Variants in TRAPPC9 observed in about 807,000 individuals in gnomAD.
TRAPPC9 encodes IKK2 binding protein.
A neutral mutation model predicts 124.0 loss-of-function variants in TRAPPC9; 83 were observed. The ratio of observed to expected loss-of-function variants is 0.67; its 90% CI spans 0.56 to 0.80. The LOEUF (loss-of-function observed/expected upper bound fraction) is 0.80, where lower values mean the gene tolerates loss of function less well. Ranked by LOEUF, TRAPPC9 falls within the 30% of genes least tolerant of loss-of-function variation. The pLI is 0.00. For missense variants in TRAPPC9, 1,302 were observed against 1,508.3 expected (o/e 0.86, Z 2.27); for synonymous variants, 638 against 617.5 (o/e 1.03, Z -0.49).
chr8:139,772,331 T>C (rs1349387229), intron 21 of TRAPPC9, among the ~76,000 whole-genome samples: 1 of 152,174 alleles, frequency 6.6e-6, no homozygotes, highest in Non-Finnish European at 1.5e-5. Context: ...TCATTTCACA[T>C]CACCTCATGG....
In TRAPPC9 at chr8:140,397,608, A is replaced by G; in HGVS notation, c.1134+12T>C. On this transcript the variant is annotated intron_variant, in intron 7 of 22. Coordinates refer to ENST00000438773, the MANE Select transcript of TRAPPC9 (RefSeq NM_001160372.4). ...GATGAACTCTTCCACTTACAGGTAG[A>G]CATACACTCACCTGTCGAAGGTTAA... The G allele has an allele frequency of 6.2e-7, 1 of 1,613,600 alleles. No individual in the cohort carries two copies. The highest frequency in any genetic ancestry group is 8.5e-7 in the Non-Finnish European group (1 of 1,179,636).
chr8:139,926,602 T>TA lies in TRAPPC9; in HGVS notation c.2811-16303dup, dbSNP rs1407533502. Among the ~76,000 whole-genome samples the TA allele has an allele frequency of 1.9e-3, 189 of 101,852 alleles. 1 individual carries two copies. Among genetic ancestry groups the TA allele is most frequent in the East Asian group, 7.6e-3 (22 of 2,890 alleles). The allele number at this position is 101,852 out of a possible 152,430, so 66.8% of individuals were successfully genotyped here. On this transcript the variant is annotated intron_variant, in intron 19 of 22. Transcript: ENST00000438773. Reference sequence around the variant, plus strand: ...TTTACAACTTAAAAATACAATGAATTAAAATAAAAAAAAAAAAAAAACTCC... The same window carrying TA: ...TTTACAACTTAAAAATACAATGAATTAAAAATAAAAAAAAAAAAAAAACTCC...
At chr8:140,148,701 CAG>C (rs145079172) in intron 17 of TRAPPC9, among the ~76,000 whole-genome samples, 1 of 152,268 alleles carries the variant, frequency 6.6e-6, no homozygotes, top group African/African-American at 2.4e-5. Context: ...TACCTTGCTC[CAG>C]ATGAGAGAAA....
intron 5 of TRAPPC9, among the ~76,000 whole-genome samples, chr8:140,419,164 C>T (rs544904242): frequency 2.0e-5 from 3 of 151,954 alleles, no homozygotes; most frequent in East Asian, 1.9e-4. Context: ...CGCGGTGACT[C>T]GCGCCTGTAA....
chr8:140,395,683 C>A (rs1242235975), intron 7 of TRAPPC9, among the ~76,000 whole-genome samples: 1 of 152,166 alleles, frequency 6.6e-6, no homozygotes, highest in African/African-American at 2.4e-5. Flanking sequence ...GGATGATAAG[C>A]ATGAGTGTCT....
At chr8:139,920,673 G>C (rs1011787483) in intron 19 of TRAPPC9, among the ~76,000 whole-genome samples, 11 of 152,242 alleles carry the variant, frequency 7.2e-5, no homozygotes, top group African/African-American at 2.7e-4. Context: ...GAGAACCAGA[G>C]TGTTTCCTTG....
At chr8:140,355,539 C>T (rs535075905) in intron 9 of TRAPPC9, among the ~76,000 whole-genome samples, 1 of 152,286 alleles carries the variant, frequency 6.6e-6, no homozygotes, top group African/African-American at 2.4e-5. Context: ...ATATTCTCCT[C>T]CAGTATTTCT....
At chr8:140,347,485 C>T (rs530217489) in intron 9 of TRAPPC9, among the ~76,000 whole-genome samples, 1 of 152,340 alleles carries the variant, frequency 6.6e-6, no homozygotes, top group Admixed American at 6.5e-5. Context: ...AACGAGGCCT[C>T]ATCCTTCAGC....
At chr8:139,852,040 T>C (rs546527467) in intron 21 of TRAPPC9, among the ~76,000 whole-genome samples, 60 of 152,286 alleles carry the variant, frequency 3.9e-4, no homozygotes, top group African/African-American at 1.4e-3. Flanking sequence ...TGGGAGGTAA[T>C]TGAATCATGG....
chr8:140,189,270 G>A (rs979922003), intron 17 of TRAPPC9, among the ~76,000 whole-genome samples: 6 of 152,200 alleles, frequency 3.9e-5, no homozygotes, highest in Non-Finnish European at 7.3e-5. Flanking sequence ...CCTCCTGCCA[G>A]GTTCGTTTCC....
At chr8:140,116,195 G>C (rs1199244665) in intron 17 of TRAPPC9, among the ~76,000 whole-genome samples, 1 of 152,148 alleles carries the variant, frequency 6.6e-6, no homozygotes, top group Non-Finnish European at 1.5e-5. Flanking sequence ...TTATTCTTAA[G>C]GCAATGAGGA....
chr8:140,089,734 G>A (rs544245237), intron 17 of TRAPPC9, among the ~76,000 whole-genome samples: 7 of 152,148 alleles, frequency 4.6e-5, no homozygotes, highest in South Asian at 2.1e-4. Context: ...GAGAGGTCCC[G>A]CACTTGATAG....
At chr8:140,156,877 G>C (rs2061639720) in intron 17 of TRAPPC9, among the ~76,000 whole-genome samples, 1 of 152,198 alleles carries the variant, frequency 6.6e-6, no homozygotes, top group Non-Finnish European at 1.5e-5. Context: ...CTTCAAAAAA[G>C]CAGAGGCCCA....
chr8:140,296,941 G>A (rs982473001), intron 11 of TRAPPC9, among the ~76,000 whole-genome samples: 6 of 152,236 alleles, frequency 3.9e-5, no homozygotes, highest in South Asian at 4.1e-4. Context: ...CTGAGCACTC[G>A]TAGGACAGCA....
At chr8:139,872,512 T>A (rs540789844) in intron 21 of TRAPPC9, among the ~76,000 whole-genome samples, 3 of 98,134 alleles carry the variant, frequency 3.1e-5, no homozygotes, top group Non-Finnish European at 4.3e-5. Flanking sequence ...GGGTAAATGG[T>A]TGGATAAGTG....
chr8:139,734,633 G>A (rs1054552751), intron 21 of TRAPPC9, among the ~76,000 whole-genome samples: 2 of 152,234 alleles, frequency 1.3e-5, no homozygotes, highest in African/African-American at 4.8e-5. Flanking sequence ...AAACCATTTG[G>A]TCCCATTCAT....
chr8:140,250,562 C>T (rs985307252), intron 16 of TRAPPC9, among the ~76,000 whole-genome samples: 10 of 152,132 alleles, frequency 6.6e-5, no homozygotes, highest in Non-Finnish European at 1.3e-4. Context: ...ATAAGGGCGC[C>T]GTGATTGTCT....
chr8:139,736,936 GAGAGA>G (rs758845072), intron 21 of TRAPPC9, among the ~76,000 whole-genome samples: 7 of 152,174 alleles, frequency 4.6e-5, no homozygotes, highest in Admixed American at 1.3e-4. Context: ...CATATAAGAG[GAGAGA>G]AGAGAAGCCA....
chr8:139,947,139 G>A (rs1834278288), intron 19 of TRAPPC9, among the ~76,000 whole-genome samples: 1 of 152,228 alleles, frequency 6.6e-6, no homozygotes, highest in Non-Finnish European at 1.5e-5. Context: ...TAAGTAGCGT[G>A]TTGTAGCAAG....
Sources: allele counts gnomAD v4.1 joint callset (sites outside exome capture counted in the v4.1 genomes callset), GRCh38; gene constraint gnomAD v4.1.1; transcripts MANE v1.5; gene names NCBI Gene and HGNC (gene_info 2026-07-23, HGNC 2026-07-21).